GTF2F2: variants seen among roughly 807,000 people sequenced by gnomAD.
The protein encoded by GTF2F2 is general transcription factor IIF subunit 2, also known as ATP-dependent helicase GTF2F2.
A neutral mutation model predicts 42.2 loss-of-function variants in GTF2F2; 23 were observed. That is an observed-to-expected ratio of 0.55 (90% CI 0.39 to 0.77). The LOEUF (loss-of-function observed/expected upper bound fraction) is 0.77, where lower values mean the gene tolerates loss of function less well. Among genes scored for constraint, GTF2F2 ranks in the 30% least tolerant of loss-of-function variants. The pLI is 0.00. For synonymous variants in GTF2F2, 105 were observed against 100.8 expected (o/e 1.04, Z -0.25); for missense variants, 261 against 287.2 (o/e 0.91, Z 0.66).
chr13:45,131,920 A>AAG lies in GTF2F2; in HGVS notation c.67-4801_67-4800dup, dbSNP rs1266188450. On this transcript the variant is annotated intron_variant, in intron 1 of 7. Coordinates refer to ENST00000340473, the MANE Select transcript of GTF2F2 (RefSeq NM_004128.3). ...CTCAAAAAAAAAAAAAAAAAAAAAAAAGAGAGAGAGAGAAAAGGTAGAGAA... is the reference window on the plus strand; with the variant it reads ...CTCAAAAAAAAAAAAAAAAAAAAAAAAGAGAGAGAGAGAGAAAAGGTAGAGAA... Among the ~76,000 whole-genome samples the AAG allele has an allele frequency of 5.2e-3, 767 of 146,142 alleles. 24 individuals carry two copies. The highest frequency in any genetic ancestry group is 0.041 in the East Asian group (200 of 4,884).
At chr13:45,274,608 C>T (rs1416632636) in intron 7 of GTF2F2, among the ~76,000 whole-genome samples, 1 of 152,110 alleles carries the variant, frequency 6.6e-6, no homozygotes, top group East Asian at 1.9e-4. Flanking sequence ...GGATTACAGG[C>T]ATGAGCCACC....
rs1275239824 is a variant in GTF2F2 at position 45,238,902 on chromosome 13, C to T, written c.387-13969C>T. Among the ~76,000 whole-genome samples, 4 of 149,250 alleles carry T rather than the reference C, an allele frequency of 2.7e-5. No homozygotes were observed. The East Asian group carries it at 7.8e-4, about 29-fold the overall frequency. The stretch of plus-strand genomic sequence containing the variant: ...AAGGTTGCGGTGAGCCGAGATGGCG[C>T]CATTGCACTCCAGTCTGGGCAATAA... On this transcript the variant is annotated intron_variant, in intron 5 of 7. Coordinates refer to ENST00000340473, the MANE Select transcript of GTF2F2 (RefSeq NM_004128.3).
At chr13:45,202,850 G>GGCT (rs1445366524) in intron 4 of GTF2F2, among the ~76,000 whole-genome samples, 4 of 152,124 alleles carry the variant, frequency 2.6e-5, no homozygotes, top group Non-Finnish European at 5.9e-5. Flanking sequence ...CACCTCAGGT[G>GGCT]GCTGAGGCAT....
At chr13:45,202,759 C>T (rs545787690) in intron 4 of GTF2F2, among the ~76,000 whole-genome samples, 1 of 151,676 alleles carries the variant, frequency 6.6e-6, no homozygotes. Flanking sequence ...TCAAGACCTG[C>T]CTGGTTACCA....
intron 5 of GTF2F2, among the ~76,000 whole-genome samples, chr13:45,250,911 A>G (rs1399056992): frequency 6.6e-6 from 1 of 152,238 alleles, no homozygotes; most frequent in Non-Finnish European, 1.5e-5. Flanking sequence ...AAAGCAAAGT[A>G]TAATTGTAAG....
chr13:45,256,919 T>A (rs575164549), intron 6 of GTF2F2, among the ~76,000 whole-genome samples: 1 of 152,108 alleles, frequency 6.6e-6, no homozygotes, highest in South Asian at 2.1e-4. Context: ...ATTTTCAGAA[T>A]AAAAATTCAA....
chr13:45,124,343 A>G (rs1282449329), intron 1 of GTF2F2, among the ~76,000 whole-genome samples: 2 of 151,064 alleles, frequency 1.3e-5, no homozygotes, highest in African/African-American at 4.9e-5. Flanking sequence ...CTGCCTCCCA[A>G]AGTGCTGGGA....
intron 7 of GTF2F2, among the ~76,000 whole-genome samples, chr13:45,275,708 G>A (rs544814325): frequency 1.7e-4 from 26 of 152,168 alleles, no homozygotes; most frequent in Non-Finnish European, 3.1e-4. Flanking sequence ...ATCATTGATG[G>A]ACATTTGGGT....
chr13:45,221,541 A>T (rs1026070779), intron 5 of GTF2F2, among the ~76,000 whole-genome samples: 1 of 152,184 alleles, frequency 6.6e-6, no homozygotes, highest in Non-Finnish European at 1.5e-5. Context: ...TGGAGCATTA[A>T]ATCAAGCTCA....
At chr13:45,139,213 G>A (rs1046975991) in intron 2 of GTF2F2, among the ~76,000 whole-genome samples, 10 of 152,208 alleles carry the variant, frequency 6.6e-5, no homozygotes, top group African/African-American at 2.4e-4. Flanking sequence ...GAAACAGCAA[G>A]ACATTGATCC....
At chr13:45,251,241 AAAT>A (rs1362858279) in intron 5 of GTF2F2, among the ~76,000 whole-genome samples, 1 of 152,208 alleles carries the variant, frequency 6.6e-6, no homozygotes, top group Non-Finnish European at 1.5e-5. Flanking sequence ...CCAAGGAATT[AAAT>A]AATAGGAATG....
chr13:45,232,642 A>G (rs1874743291), intron 5 of GTF2F2, among the ~76,000 whole-genome samples: 1 of 152,286 alleles, frequency 6.6e-6, no homozygotes, highest in East Asian at 1.9e-4. Flanking sequence ...TCAGAAAAAA[A>G]GAAATGAAGA....
At chr13:45,238,945 GAA>G (rs201402405) in intron 5 of GTF2F2, among the ~76,000 whole-genome samples, 4 of 101,656 alleles carry the variant, frequency 3.9e-5, no homozygotes, top group Non-Finnish European at 4.2e-5. Flanking sequence ...ATTCCATCTC[GAA>G]AAAAAAAAAA....
intron 2 of GTF2F2, among the ~76,000 whole-genome samples, chr13:45,140,460 T>G (rs1593450598): frequency 6.6e-6 from 1 of 152,212 alleles, no homozygotes; most frequent in East Asian, 1.9e-4. Context: ...GAGTGAGACT[T>G]TGTACAAGTC....
At chr13:45,235,621 G>T (rs1020889158) in intron 5 of GTF2F2, among the ~76,000 whole-genome samples, 5 of 150,862 alleles carry the variant, frequency 3.3e-5, no homozygotes, top group Admixed American at 1.3e-4. Context: ...ATAGAGTCCC[G>T]CTGTGTTGCC....
At position 45,203,741 on chromosome 13, in the gene GTF2F2, C is replaced by G. The variant is rs369429742; in HGVS notation, c.305-3683C>G. 1.8e-4 allele frequency among the ~76,000 whole-genome samples: 28 copies of G among 152,198 alleles called. No individual in the cohort carries two copies. The East Asian group carries it at 5.4e-3, about 29-fold the overall frequency. ...GAGTACTAGAGATTAACCTATTACC[C>G]ACTAGTATATAGTGACTGTGGGCAT... On this transcript the variant is annotated intron_variant, in intron 4 of 7. Coordinates refer to ENST00000340473, the MANE Select transcript of GTF2F2 (RefSeq NM_004128.3).
At position 45,205,017 on chromosome 13, in the gene GTF2F2, A is replaced by G. The variant is rs79785543; in HGVS notation, c.305-2407A>G. On this transcript the variant is annotated intron_variant, in intron 4 of 7. Transcript: ENST00000340473. ...TTGAGCTGTCATATGGAGAAGGTTGATAGCACAAACCTTTAACTGAAAGTT... is the reference window on the plus strand; with the variant it reads ...TTGAGCTGTCATATGGAGAAGGTTGGTAGCACAAACCTTTAACTGAAAGTT... Among the ~76,000 whole-genome samples, 331 of 152,298 alleles carry G rather than the reference A, an allele frequency of 2.2e-3. 1 individual carries two copies. The highest frequency in any genetic ancestry group is 0.01 in the Middle Eastern group (3 of 294).
chr13:45,172,147 A>G (rs770136065), intron 4 of GTF2F2, among the ~76,000 whole-genome samples: 1 of 152,094 alleles, frequency 6.6e-6, no homozygotes, highest in Non-Finnish European at 1.5e-5. Context: ...GAGGGTTCCA[A>G]TTTCACCACA....
intron 1 of GTF2F2, among the ~76,000 whole-genome samples, chr13:45,133,297 G>A (rs2138095835): frequency 6.6e-6 from 1 of 152,222 alleles, no homozygotes; most frequent in South Asian, 2.1e-4. Flanking sequence ...AGTGAGGTGG[G>A]AAGTTAAAGA....
Sources: allele counts gnomAD v4.1 joint callset (sites outside exome capture counted in the v4.1 genomes callset), GRCh38; gene constraint gnomAD v4.1.1; transcripts MANE v1.5; gene names NCBI Gene and HGNC (gene_info 2026-07-23, HGNC 2026-07-21).